Variants in INPP5D observed in about 807,000 individuals in gnomAD.
The protein encoded by INPP5D is phosphatidylinositol 3,4,5-trisphosphate 5-phosphatase 1.
In INPP5D, 33 loss-of-function variants were observed where a neutral mutation model predicts 122.9. That is an observed-to-expected ratio of 0.27 (90% CI 0.20 to 0.36). The LOEUF (loss-of-function observed/expected upper bound fraction) is 0.36, where lower values mean the gene tolerates loss of function less well. Among genes scored for constraint, INPP5D ranks in the 10% least tolerant of loss-of-function variants. The probability of loss-of-function intolerance (pLI) is 1.00; values close to 1 mark genes in which losing one functional copy is unlikely to be tolerated. For missense variants in INPP5D, 1,053 were observed against 1,412.7 expected, an observed-to-expected ratio of 0.75 and a Z score of 4.08; for synonymous variants, 584 against 576.2, an observed-to-expected ratio of 1.01 and a Z score of -0.19.
intron 18 of INPP5D, among the ~76,000 whole-genome samples, chr2:233,181,778 C>T (rs1694791078): frequency 6.6e-6 from 1 of 152,154 alleles, no homozygotes; most frequent in Non-Finnish European, 1.5e-5. Flanking sequence ...CCCCTTCCCA[C>T]CCAGTGTTTG....
At chr2:233,125,136 C>T (rs984505215) in intron 3 of INPP5D, among the ~76,000 whole-genome samples, 9 of 152,244 alleles carry the variant, frequency 5.9e-5, no homozygotes, top group African/African-American at 2.2e-4. Context: ...TGGGCTCCCA[C>T]CTCCCAGGCC....
intron 2 of INPP5D, among the ~76,000 whole-genome samples, chr2:233,091,122 C>T (rs1250012902): frequency 2.0e-5 from 3 of 152,190 alleles, no homozygotes; most frequent in African/African-American, 7.2e-5. Flanking sequence ...GGTCTTGGCA[C>T]CTGCCCTGCC....
intron 9 of INPP5D, among the ~76,000 whole-genome samples, chr2:233,149,427 G>A (rs1040096732): frequency 6.6e-6 from 1 of 152,100 alleles, no homozygotes; most frequent in Non-Finnish European, 1.5e-5. Context: ...AAAGTCGTAT[G>A]CACTAAGTAT....
intron 20 of INPP5D, 40 bp from the exon 21 acceptor site, chr2:233,185,802 TG>T (rs1275664993): frequency 3.8e-6 from 6 of 1,562,416 alleles, no homozygotes; most frequent in Non-Finnish European, 5.2e-6. Context: ...GTCTGGTTCT[TG>T]CTCTGTTTTC....
intron 5 of INPP5D, among the ~76,000 whole-genome samples, chr2:233,134,827 T>G (rs939689730): frequency 6.6e-6 from 1 of 152,196 alleles, no homozygotes; most frequent in Non-Finnish European, 1.5e-5. Context: ...CCAAAAATAC[T>G]TCATTACCAT....
intron 17 of INPP5D, among the ~76,000 whole-genome samples, chr2:233,175,432 A>G (rs775659626): frequency 2.0e-5 from 3 of 152,064 alleles, no homozygotes; most frequent in African/African-American, 7.2e-5. Flanking sequence ...TAAATTAATC[A>G]ATGGAGATGT....
chr2:233,067,973 G>A (rs1017365071), intron 1 of INPP5D, among the ~76,000 whole-genome samples: 4 of 152,096 alleles, frequency 2.6e-5, no homozygotes, highest in South Asian at 2.1e-4. Flanking sequence ...AGCACCCACC[G>A]AATGCTTTGC....
chr2:233,165,329 G>T (rs1017698155), intron 13 of INPP5D, among the ~76,000 whole-genome samples: 2 of 151,862 alleles, frequency 1.3e-5, no homozygotes, highest in African/African-American at 4.8e-5. Context: ...GTGTATGAGT[G>T]TACCACCCAT....
Position 233,204,112 on chromosome 2 carries a change from G to A in INPP5D, c.2976-14G>A, listed in dbSNP as rs753856205. The A allele has an allele frequency of 6.6e-7, 1 of 1,517,172 alleles. No individual in the cohort carries two copies. The highest frequency in any genetic ancestry group is 1.3e-5 in the South Asian group (1 of 78,800). The allele number at this position is 1,517,172 out of a possible 1,614,324, so 94.0% of individuals were successfully genotyped here. On this transcript the variant is annotated splice_polypyrimidine_tract_variant and intron_variant, in intron 25 of 26. Coordinates refer to ENST00000445964, the MANE Select transcript of INPP5D (RefSeq NM_001017915.3). ...CCTGGACATGTGTCTTCCCTGCTCT[G>A]TCCCTGGCTCTAGGCCCAGTGACCT... is the stretch of plus-strand genomic sequence containing the variant.
chr2:233,080,726 A>G (rs1352230833), intron 2 of INPP5D, among the ~76,000 whole-genome samples: 1 of 152,156 alleles, frequency 6.6e-6, no homozygotes. Context: ...AGGGAGCTGG[A>G]CTCAAGGTGT....
chr2:233,173,124 G>A lies in INPP5D; in HGVS notation c.1989+1972G>A, dbSNP rs145443122. On this transcript the variant is annotated intron_variant, in intron 17 of 26. Coordinates refer to ENST00000445964, the MANE Select transcript of INPP5D (RefSeq NM_001017915.3). ...CTCGGGAGGCTGAGGCAAGAGAATC[G>A]CTTGAACCCGGGAGATGGAAGTTGC... Among the ~76,000 whole-genome samples, 858 of 151,582 alleles carry A rather than the reference G, an allele frequency of 5.7e-3. 11 individuals carry two copies. Among genetic ancestry groups the A allele is most frequent in the African/African-American group, 0.02 (808 of 41,288 alleles).
intron 5 of INPP5D, among the ~76,000 whole-genome samples, chr2:233,137,589 G>A (rs1304404416): frequency 6.6e-6 from 1 of 150,414 alleles, no homozygotes; most frequent in African/African-American, 2.4e-5. Flanking sequence ...CTGAGTTGCT[G>A]GCATTACAGG....
chr2:233,122,278 C>G, intron 3 of INPP5D, 21 bp downstream of exon 3: 1 of 1,608,918 alleles, frequency 6.2e-7, no homozygotes, highest in Non-Finnish European at 8.5e-7. Flanking sequence ...AGGGACAGGA[C>G]GGCAGGAGGT....
intron 1 of INPP5D, among the ~76,000 whole-genome samples, chr2:233,072,697 A>G (rs1298131719): frequency 6.6e-6 from 1 of 152,218 alleles, no homozygotes; most frequent in African/African-American, 2.4e-5. Flanking sequence ...GTTAAGTTAT[A>G]CGTAATTTTC....
chr2:233,205,061 A>G, intron 26 of INPP5D: 1 of 264,506 alleles, frequency 3.8e-6, no homozygotes, highest in Non-Finnish European at 7.1e-6. Flanking sequence ...AGGAGCCTAA[A>G]TCATTTATAT....
chr2:233,163,829 C>A lies in INPP5D; in HGVS notation c.1363C>A (p.Pro455Thr), dbSNP rs753837991. 5 of 1,613,926 alleles carry A rather than the reference C, an allele frequency of 3.1e-6. No individual in the cohort carries two copies. The highest frequency in any genetic ancestry group is 4.5e-5 in the East Asian group (2 of 44,878). ...DIYVIGTQED[P>T]LSEKEWLEIL... ...TTACGTGATCGGCACCCAAGAGGAC[C>A]CCCTGAGTGAGAAGGAGTGGCTGGA... The change falls in exon 12 of 27, where the codon CCC becomes ACC. Residue 455 changes from proline to threonine, a missense_variant. Transcript: ENST00000445964.
rs112016612 is a variant in INPP5D, at chr2:233,089,727, G to A, written c.198+10329G>A. On this transcript the variant is annotated intron_variant, in intron 2 of 26. Coordinates refer to ENST00000445964, the MANE Select transcript of INPP5D (RefSeq NM_001017915.3). ...TCCCGGCAGCTCATTCATTTATTCAGTGAATATTAATTGGGAACTGAACAA... is the reference window on the plus strand; with the variant it reads ...TCCCGGCAGCTCATTCATTTATTCAATGAATATTAATTGGGAACTGAACAA... 8.5e-3 allele frequency among the ~76,000 whole-genome samples: 1,295 copies of A among 152,308 alleles called. 5 individuals carry two copies. Among genetic ancestry groups the A allele is most frequent in the African/African-American group, 0.018 (740 of 41,552 alleles).
chr2:233,152,861 G>A (rs1376860085), intron 9 of INPP5D, among the ~76,000 whole-genome samples: 1 of 109,742 alleles, frequency 9.1e-6, no homozygotes, highest in Non-Finnish European at 1.8e-5. Flanking sequence ...GAGGTTTTCA[G>A]CTGGGGGGGG....
intron 24 of INPP5D, among the ~76,000 whole-genome samples, chr2:233,196,646 T>C (rs1015474652): frequency 1.3e-5 from 2 of 152,176 alleles, no homozygotes; most frequent in African/African-American, 4.8e-5. Context: ...TGTTAAAGTC[T>C]GTATTACCAG....
Sources: allele counts gnomAD v4.1 joint callset (sites outside exome capture counted in the v4.1 genomes callset), GRCh38; gene constraint gnomAD v4.1.1; transcripts MANE v1.5; gene names NCBI Gene and HGNC (gene_info 2026-07-23, HGNC 2026-07-21).